Variants in SORL1 observed in about 807,000 individuals in gnomAD.
SORL1 encodes sortilin-related receptor.
In SORL1, 127 loss-of-function variants were observed where a neutral mutation model predicts 273.7. The observed-to-expected ratio is 0.46, with a 90% confidence interval of 0.40 to 0.54. SORL1 has a LOEUF of 0.54. SORL1 is among the 20% of genes least tolerant of loss of function. The pLI is 0.00. For missense variants in SORL1, 2,494 were observed against 2,846.1 expected (o/e 0.88, Z 2.81); for synonymous variants, 1,031 against 1,067.4 (o/e 0.97, Z 0.66).
At position 121,496,983 on chromosome 11, in the gene SORL1, A is replaced by G. The variant is rs755715501; in HGVS notation, c.873A>G (p.Glu291=). 8 of 1,614,190 alleles carry G rather than the reference A, an allele frequency of 5.0e-6. No homozygotes were observed. The South Asian group carries it at 8.8e-5, about 18-fold the overall frequency. Residue 291 remains glutamate, a synonymous_variant, in exon 6 of 48, where the codon GAA becomes GAG. Transcript: ENST00000260197. ...TCTTCCAGTCCCGGGAAAACCAGGA[A>G]GTGATCCTTGAGGAAGTGAGAGATT... is the stretch of plus-strand genomic sequence containing the variant. ...TDFFQSRENQ[E]VILEEVRDFQ... is the part of the protein sequence containing the mutation.
intron 22 of SORL1, among the ~76,000 whole-genome samples, chr11:121,569,207 G>T (rs193255001): frequency 6.6e-6 from 1 of 152,176 alleles, no homozygotes; most frequent in Non-Finnish European, 1.5e-5. Flanking sequence ...ATCTTCGTAA[G>T]CTGAGGAGGA....
chr11:121,473,630 C>A (rs1332448115), intron 2 of SORL1, among the ~76,000 whole-genome samples: 4 of 152,178 alleles, frequency 2.6e-5, no homozygotes, highest in Non-Finnish European at 5.9e-5. Context: ...AGGAGTGGCT[C>A]ATGCCTGTAA....
At chr11:121,608,000 C>G in intron 37 of SORL1, 104 bp from the exon 38 acceptor site, 1 of 1,009,878 alleles carries the variant, frequency 9.9e-7, no homozygotes, top group South Asian at 1.5e-5. Flanking sequence ...TTTTTCCAGC[C>G]TCACTGCCAA....
At position 121,510,970 on chromosome 11, in the gene SORL1, C is replaced by A. The variant is rs571253697; in HGVS notation, c.940-2033C>A. Among the ~76,000 whole-genome samples the A allele has an allele frequency of 3.3e-5, 5 of 152,162 alleles. No homozygotes were observed. In the South Asian group the frequency reaches 1.0e-3, roughly 32 times the overall value. On this transcript the variant is annotated intron_variant, in intron 6 of 47. Transcript: ENST00000260197. Reference sequence around the variant, plus strand: ...TTTAATAATAGTGATAAAAAACAAACCAACCCAAAACCTATGGTTTATTAA... The same window carrying A: ...TTTAATAATAGTGATAAAAAACAAAACAACCCAAAACCTATGGTTTATTAA...
chr11:121,480,383 AAACT>A (rs1230547957), intron 3 of SORL1, among the ~76,000 whole-genome samples: 1 of 152,092 alleles, frequency 6.6e-6, no homozygotes, highest in Non-Finnish European at 1.5e-5. Flanking sequence ...CTTTTGCAGC[AAACT>A]AATAACACCT....
In SORL1 at chr11:121,577,389, C is replaced by G; in HGVS notation, c.3569C>G (p.Ala1190Gly). ...GACTGCAGGGACTGGTCTGATGAAG[C>G]CAACTGTACCGGTCAGTACTTCCTG... ...DNDCRDWSDEANCTAIYHTCE... is the reference protein window; with the variant it reads ...DNDCRDWSDEGNCTAIYHTCE... The change falls in exon 25 of 48, where the codon GCC becomes GGC. Residue 1190 changes from alanine to glycine, a missense_variant. Around this residue, in one of 3 missense-constraint regions of SORL1, gnomAD observed 1,609 missense variants for 1,816.4 expected, o/e 0.89. Transcript: ENST00000260197. 6.2e-7 allele frequency: 1 copy of G among 1,606,264 alleles called. No homozygotes were observed. The highest frequency in any genetic ancestry group is 1.1e-5 in the South Asian group (1 of 89,802).
At position 121,462,007 on chromosome 11, in the gene SORL1, C is replaced by T. The variant is rs995910034; in HGVS notation, c.286-8000C>T. ...GGAAGATAAGAATGATTATTCATCT[C>T]ATTTCAGAGATGAGTATCTTGAAGC... On this transcript the variant is annotated intron_variant, in intron 1 of 47. Transcript: ENST00000260197. Among the ~76,000 whole-genome samples, 7 of 152,160 alleles carry T rather than the reference C, an allele frequency of 4.6e-5. 1 individual carries two copies. The highest frequency in any genetic ancestry group is 1.7e-4 in the African/African-American group (7 of 41,438).
At chr11:121,570,036 T>A (rs1862816047) in intron 22 of SORL1, 121 bp from the exon 23 acceptor site, 1 of 553,936 alleles carries the variant, frequency 1.8e-6, no homozygotes. Flanking sequence ...TCACCCGATA[T>A]CTGGCTGAAT....
chr11:121,521,262 A>G (rs562319926), intron 9 of SORL1, among the ~76,000 whole-genome samples: 1 of 152,136 alleles, frequency 6.6e-6, no homozygotes, highest in South Asian at 2.1e-4. Flanking sequence ...TTTCTTCTCT[A>G]TTTGGCAATG....
intron 1 of SORL1, among the ~76,000 whole-genome samples, chr11:121,464,367 C>A (rs113690083): frequency 3.3e-3 from 503 of 152,270 alleles, no homozygotes; most frequent in African/African-American, 0.011. Flanking sequence ...CCCTAATTCC[C>A]CCAGAAGTGC....
At chr11:121,629,376 T>C (rs1863842145) in intron 47 of SORL1, 120 bp from the exon 48 acceptor site, 2 of 646,460 alleles carry the variant, frequency 3.1e-6, no homozygotes, top group African/African-American at 1.8e-5. Context: ...TGCCTGGCTA[T>C]GGCATTGACC....
chr11:121,469,068 T>C (rs1360884137), intron 1 of SORL1, among the ~76,000 whole-genome samples: 1 of 152,234 alleles, frequency 6.6e-6, no homozygotes, highest in Non-Finnish European at 1.5e-5. Flanking sequence ...GGATGAGTGC[T>C]ACTGGTTAGC....
intron 3 of SORL1, among the ~76,000 whole-genome samples, chr11:121,486,718 A>AT (rs1861478118): frequency 6.6e-6 from 1 of 151,806 alleles, no homozygotes; most frequent in African/African-American, 2.4e-5. Context: ...TGACCTCGTG[A>AT]TCCCCCCGCC....
At chr11:121,590,641 C>T (rs1398064928) in intron 30 of SORL1, 28 of 603,600 alleles carry the variant, frequency 4.6e-5, no homozygotes, top group Admixed American at 1.2e-4. Flanking sequence ...GGAGTAGTTG[C>T]GGTTGAATTA....
At chr11:121,453,154 T>A (rs1451104036) in intron 1 of SORL1, 1 of 152,252 alleles carries the variant, frequency 6.6e-6, no homozygotes, top group African/African-American at 2.4e-5. Flanking sequence ...TAATTTTTAA[T>A]TTTTGGCGAG....
At chr11:121,485,497 C>G (rs1861460774) in intron 3 of SORL1, among the ~76,000 whole-genome samples, 1 of 152,140 alleles carries the variant, frequency 6.6e-6, no homozygotes, top group Non-Finnish European at 1.5e-5. Context: ...TCACTGTGAA[C>G]CCTGAATGAG....
intron 20 of SORL1, among the ~76,000 whole-genome samples, chr11:121,559,215 G>A (rs1035934900): frequency 1.3e-5 from 2 of 152,098 alleles, no homozygotes; most frequent in Non-Finnish European, 2.9e-5. Flanking sequence ...GTTCTTTTTC[G>A]ACTCTGGAGA....
chr11:121,539,126 C>G (rs567557388), intron 12 of SORL1, among the ~76,000 whole-genome samples: 1 of 152,226 alleles, frequency 6.6e-6, no homozygotes, highest in Admixed American at 6.5e-5. Flanking sequence ...TCAAACCATA[C>G]GTCAGCACTC....
intron 25 of SORL1, among the ~76,000 whole-genome samples, chr11:121,581,213 C>T (rs935559575): frequency 2.0e-5 from 3 of 152,128 alleles, no homozygotes; most frequent in Non-Finnish European, 2.9e-5. Flanking sequence ...ACGCCTCATG[C>T]GTTTCTTTAT....
Sources: allele counts gnomAD v4.1 joint callset (sites outside exome capture counted in the v4.1 genomes callset), GRCh38; gene constraint gnomAD v4.1.1; regional missense constraint gnomAD v4.1.1; transcripts MANE v1.5; gene names NCBI Gene and HGNC (gene_info 2026-07-23, HGNC 2026-07-21).